The following LUZP2 variants were observed in gnomAD, a reference collection of about 807,000 sequenced individuals.
LUZP2 encodes the protein leucine zipper protein 2.
Under a neutral mutation model 51.6 loss-of-function variants are expected in LUZP2, and 52 were observed. The observed-to-expected ratio is 1.01, with a 90% CI of 0.81 to 1.27. The LOEUF (loss-of-function observed/expected upper bound fraction) is 1.27, where lower values mean the gene tolerates loss of function less well. LUZP2 is among the 50% of genes most tolerant of loss of function. The pLI is 0.00. For synonymous variants in LUZP2, 154 were observed against 137.3 expected (o/e 1.12, Z -0.85); for missense variants, 436 against 395.4 (o/e 1.10, Z -0.87).
intron 4 of LUZP2, among the ~76,000 whole-genome samples, chr11:24,747,507 A>G (rs1338104570): frequency 6.6e-6 from 1 of 151,960 alleles, no homozygotes; most frequent in Non-Finnish European, 1.5e-5. Flanking sequence ...TTCATGTTCT[A>G]TTTTTGTACT....
intron 7 of LUZP2, among the ~76,000 whole-genome samples, chr11:24,974,688 A>G (rs1855836301): frequency 6.6e-6 from 1 of 152,064 alleles, no homozygotes; most frequent in Non-Finnish European, 1.5e-5. Flanking sequence ...TATCAGGAAT[A>G]CTGTTGTGAT....
chr11:24,811,245 A>G (rs1271365775), intron 5 of LUZP2, among the ~76,000 whole-genome samples: 1 of 152,150 alleles, frequency 6.6e-6, no homozygotes, highest in African/African-American at 2.4e-5. Context: ...TTTCTCCACT[A>G]GCCCTCAGAA....
Position 25,013,877 on chromosome 11 carries a change from C to T in LUZP2, c.765+30584C>T, listed in dbSNP as rs149445834. 4.5e-3 allele frequency among the ~76,000 whole-genome samples: 686 copies of T among 152,068 alleles called. 9 individuals are homozygous for T. The highest frequency in any genetic ancestry group is 0.016 in the African/African-American group (652 of 41,474). The stretch of plus-strand genomic sequence containing the variant: ...GCTCATCATTTAACATTAGGTATAT[C>T]TCCTAATGCTATCCCTCCCCTGTCC... On this transcript the variant is annotated intron_variant, in intron 9 of 11. Transcript: ENST00000336930.
chr11:24,721,691 A>T (rs1025675739), intron 1 of LUZP2, among the ~76,000 whole-genome samples: 5 of 152,152 alleles, frequency 3.3e-5, no homozygotes, highest in African/African-American at 1.2e-4. Flanking sequence ...TAGTATATGA[A>T]ATGTTTATGG....
intron 1 of LUZP2, among the ~76,000 whole-genome samples, chr11:24,688,800 C>T (rs960568848): frequency 3.9e-5 from 6 of 152,092 alleles, no homozygotes; most frequent in Admixed American, 3.3e-4. Flanking sequence ...TCATCTCTCA[C>T]GTGTCATCAT....
At chr11:24,863,978 AT>A (rs138310125) in intron 5 of LUZP2, among the ~76,000 whole-genome samples, 23,232 of 150,792 alleles carry the variant, frequency 0.15, 1,951 homozygotes, top group African/African-American at 0.22. Context: ...TTTAAAGTAT[AT>A]TTTAGTGGAA....
At chr11:24,501,967 C>G (rs1850007740) in intron 1 of LUZP2, among the ~76,000 whole-genome samples, 1 of 152,124 alleles carries the variant, frequency 6.6e-6, no homozygotes, top group South Asian at 2.1e-4. Context: ...ACCTCAATAT[C>G]CTGCCACACT....
intron 5 of LUZP2, among the ~76,000 whole-genome samples, chr11:24,853,713 G>A (rs1413121308): frequency 6.6e-6 from 1 of 152,026 alleles, no homozygotes; most frequent in African/African-American, 2.4e-5. Flanking sequence ...TCTGGCTTTT[G>A]GAATTTTCAG....
chr11:24,642,035 GCATGCCTT>G (rs1337921715), intron 1 of LUZP2, among the ~76,000 whole-genome samples: 1 of 151,674 alleles, frequency 6.6e-6, no homozygotes, highest in Admixed American at 6.6e-5. Context: ...GACTACAGGT[GCATGCCTT>G]CACACCTAGC....
chr11:24,881,215 T>G (rs997821232), intron 5 of LUZP2, among the ~76,000 whole-genome samples: 3 of 152,078 alleles, frequency 2.0e-5, no homozygotes, highest in Non-Finnish European at 2.9e-5. Flanking sequence ...GAAATTATGT[T>G]ATTTTTAACT....
rs536208696 is a variant in LUZP2 at position 24,569,048 on chromosome 11, TAAAC to T, written c.62+71747_62+71750del. 3.9e-4 allele frequency among the ~76,000 whole-genome samples: 59 copies of T among 151,720 alleles called. 1 individual carries two copies. Among genetic ancestry groups the T allele is most frequent in the Non-Finnish European group, 8.0e-4 (54 of 67,830 alleles). On this transcript the variant is annotated intron_variant, in intron 1 of 11. Transcript: ENST00000336930. ...CAGAAGTTAAAGTTTCTAAAATCAA[TAAAC>T]AAAATGACAGAAAAGCATTAACTAT... is the stretch of plus-strand genomic sequence containing the variant.
At chr11:25,022,927 T>G (rs1857382661) in intron 9 of LUZP2, among the ~76,000 whole-genome samples, 1 of 152,126 alleles carries the variant, frequency 6.6e-6, no homozygotes, top group Non-Finnish European at 1.5e-5. Flanking sequence ...TTGTCTTTGG[T>G]TCTGTTTATA....
chr11:24,801,964 A>G (rs1477970179), intron 5 of LUZP2, among the ~76,000 whole-genome samples: 1 of 151,892 alleles, frequency 6.6e-6, no homozygotes, highest in African/African-American at 2.4e-5. Context: ...CAAAGAGTAC[A>G]TATGTGTACA....
intron 1 of LUZP2, among the ~76,000 whole-genome samples, chr11:24,564,762 A>T (rs4922687): frequency 0.99 from 151,272 of 152,058 alleles, 75,245 homozygotes; most frequent in East Asian, 1. Flanking sequence ...CAGTTTTTTT[A>T]AAAAATAACA....
intron 5 of LUZP2, among the ~76,000 whole-genome samples, chr11:24,781,216 A>G (rs1374959665): frequency 1.3e-5 from 2 of 152,138 alleles, no homozygotes; most frequent in African/African-American, 4.8e-5. Context: ...TTACATAGGT[A>G]TACATGTGCC....
At chr11:24,768,611 CAGA>C (rs10589257) in intron 5 of LUZP2, among the ~76,000 whole-genome samples, 12,185 of 152,078 alleles carry the variant, frequency 0.08, 1,048 homozygotes, top group African/African-American at 0.22. Flanking sequence ...AGACATTCAT[CAGA>C]AGAAGATTTA....
Position 24,715,256 on chromosome 11 carries a change from A to G in LUZP2, c.63-13913A>G, listed in dbSNP as rs140195518. On this transcript the variant is annotated intron_variant, in intron 1 of 11. Coordinates refer to ENST00000336930, the MANE Select transcript of LUZP2 (RefSeq NM_001009909.4). ...GCAGATTATGGTATCCAATTCAAGG[A>G]GCAACTATGTGTGTGTGTGTGTGTG... Among the ~76,000 whole-genome samples, 174 of 105,350 alleles carry G rather than the reference A, an allele frequency of 1.7e-3. 1 individual carries two copies. In the East Asian group the frequency reaches 0.06, roughly 36 times the overall value. 69.1% of individuals were successfully genotyped at this position (105,350 alleles called of 152,430 possible).
At chr11:24,630,587 T>C (rs1325449487) in intron 1 of LUZP2, among the ~76,000 whole-genome samples, 2 of 152,018 alleles carry the variant, frequency 1.3e-5, no homozygotes, top group Non-Finnish European at 2.9e-5. Flanking sequence ...TTTAGGTTAC[T>C]ATAGCCTTGT....
chr11:24,580,869 A>G (rs1852828353), intron 1 of LUZP2, among the ~76,000 whole-genome samples: 1 of 152,260 alleles, frequency 6.6e-6, no homozygotes, highest in South Asian at 2.1e-4. Context: ...AGCATTACAA[A>G]CAGAATTTCT....
Sources: allele counts gnomAD v4.1 joint callset (sites outside exome capture counted in the v4.1 genomes callset), GRCh38; gene constraint gnomAD v4.1.1; transcripts MANE v1.5; gene names NCBI Gene and HGNC (gene_info 2026-07-23, HGNC 2026-07-21).